The following NPAS3 variants were observed in gnomAD, a reference collection of about 807,000 sequenced individuals.
NPAS3 encodes neuronal PAS domain-containing protein 3.
A neutral mutation model predicts 73.1 loss-of-function variants in NPAS3; 14 were observed. The ratio of observed to expected loss-of-function variants is 0.19; its 90% confidence interval spans 0.13 to 0.30. NPAS3 has a LOEUF of 0.30. Among genes scored for constraint, NPAS3 ranks in the 10% least tolerant of loss-of-function variants. NPAS3 has a pLI of 1.00. For missense variants in NPAS3, 1,096 were observed against 1,250.0 expected (o/e 0.88, Z 1.86); for synonymous variants, 620 against 541.5 (o/e 1.14, Z -2.01).
chr14:32,938,486 T>TGAGAGAGAGAGAGAAAGTGAGA (rs1566779333), upstream of NPAS3, among the ~76,000 whole-genome samples: 2 of 55,904 alleles, frequency 3.6e-5, no homozygotes, highest in Non-Finnish European at 6.5e-5. Flanking sequence ...AGAGAGAAAT[T>TGAGAGAGAGAGAGAAAGTGAGA]GAGAGAGAGA....
rs34684535 is a variant in NPAS3 at position 33,692,836 on chromosome 14, T to TAAAAAAA, written c.733+16472_733+16478dup. On this transcript the variant is annotated intron_variant, in intron 6 of 11. Transcript: ENST00000356141. ...CAAGTGTTTAAGTAGCCCAATGTCT[T>TAAAAAAA]AAAAAAAAAAAAAAAAAAAAAAAAA... Among the ~76,000 whole-genome samples, 163 of 64,040 alleles carry TAAAAAAA rather than the reference T, an allele frequency of 2.5e-3. 9 individuals carry two copies. Among genetic ancestry groups the TAAAAAAA allele is most frequent in the African/African-American group, 8.3e-3 (146 of 17,678 alleles). 42.0% of individuals were successfully genotyped at this position (64,040 alleles called of 152,430 possible).
At chr14:33,037,407 G>A (rs2040204017) in intron 1 of NPAS3, among the ~76,000 whole-genome samples, 3 of 151,640 alleles carry the variant, frequency 2.0e-5, no homozygotes, top group African/African-American at 7.3e-5. Flanking sequence ...CAATTTGGGA[G>A]GCAAGGGCAG....
chr14:33,070,539 C>T (rs1392530416), intron 2 of NPAS3, among the ~76,000 whole-genome samples: 1 of 152,150 alleles, frequency 6.6e-6, no homozygotes, highest in Non-Finnish European at 1.5e-5. Context: ...CAGTGGCTGT[C>T]AATGAGTAAC....
chr14:33,119,656 C>G (rs1355213328), intron 2 of NPAS3, among the ~76,000 whole-genome samples: 2 of 152,120 alleles, frequency 1.3e-5, no homozygotes, highest in Admixed American at 1.3e-4. Flanking sequence ...TCTGTGTCAC[C>G]GTGCACCAGG....
chr14:33,653,889 A>G lies in NPAS3; in HGVS notation c.559-22322A>G, dbSNP rs934290228. Among the ~76,000 whole-genome samples, 9 of 152,300 alleles carry G rather than the reference A, an allele frequency of 5.9e-5. No individual in the cohort carries two copies. In the South Asian group the frequency reaches 1.9e-3, roughly 32 times the overall value. On this transcript the variant is annotated intron_variant, in intron 5 of 11. Transcript: ENST00000356141. ...TAAAACAGGCCCGTTATTGTGTAGA[A>G]ATAGATGTGCCTAAAGGTGTGGTCC...
intron 4 of NPAS3, among the ~76,000 whole-genome samples, chr14:33,490,175 C>T (rs41464244): frequency 0.022 from 3,300 of 152,154 alleles, 131 homozygotes; most frequent in African/African-American, 0.074. Context: ...ACCCTGTATT[C>T]GTTTCATGGG....
At chr14:33,544,788 T>TTTTTTATATATATATATATA (rs1555409893) in intron 4 of NPAS3, among the ~76,000 whole-genome samples, 1 of 63,256 alleles carries the variant, frequency 1.6e-5, no homozygotes, top group African/African-American at 8.6e-5. Context: ...TGTGTGTGTA[T>TTTTTTATATATATATATATA]TATATATATA....
At chr14:33,402,728 G>A (rs1048399792) in intron 4 of NPAS3, among the ~76,000 whole-genome samples, 1 of 152,116 alleles carries the variant, frequency 6.6e-6, no homozygotes, top group Non-Finnish European at 1.5e-5. Flanking sequence ...TTTTTATTCA[G>A]GTATGCTTTC....
rs992254760 is a variant in NPAS3 at position 33,268,614 on chromosome 14, T to G, written c.385+53188T>G. Reference sequence around the variant, plus strand: ...GCTTCATGTCACTCCATGAGGAACTTATCAGTCAGCTATGATATGCCTATC... The same window carrying G: ...GCTTCATGTCACTCCATGAGGAACTGATCAGTCAGCTATGATATGCCTATC... On this transcript the variant is annotated intron_variant, in intron 3 of 11. Transcript: ENST00000356141. 2.6e-4 allele frequency among the ~76,000 whole-genome samples: 40 copies of G among 152,214 alleles called. 1 individual carries two copies. The highest frequency in any genetic ancestry group is 4.7e-4 in the Non-Finnish European group (32 of 68,038).
chr14:33,098,200 C>T (rs1361841011), intron 2 of NPAS3, among the ~76,000 whole-genome samples: 1 of 152,118 alleles, frequency 6.6e-6, no homozygotes, highest in Non-Finnish European at 1.5e-5. Context: ...AATCCAGCTC[C>T]AGTTGCTGAG....
intron 4 of NPAS3, among the ~76,000 whole-genome samples, chr14:33,463,755 A>G (rs1043686824): frequency 6.6e-6 from 1 of 152,194 alleles, no homozygotes; most frequent in African/African-American, 2.4e-5. Context: ...CCAAATTAAG[A>G]CATCACAGTG....
rs138814852 is a variant in NPAS3 at position 33,217,754 on chromosome 14, G to A, written c.385+2328G>A. On this transcript the variant is annotated intron_variant, in intron 3 of 11. Transcript: ENST00000356141. ...ATCATGGCCTTTTAGGCATGCGAAT[G>A]TATAGATCACATGTCATTATTCCCT... Among the ~76,000 whole-genome samples the A allele has an allele frequency of 2.0e-4, 31 of 152,266 alleles. 1 individual carries two copies. Among genetic ancestry groups the A allele is most frequent in the African/African-American group, 7.2e-4 (30 of 41,560 alleles).
chr14:33,775,355 C>T (rs2062780026), intron 8 of NPAS3, among the ~76,000 whole-genome samples: 1 of 152,090 alleles, frequency 6.6e-6, no homozygotes, highest in Non-Finnish European at 1.5e-5. Flanking sequence ...AGAAATACTG[C>T]GTCAATTTGG....
intron 10 of NPAS3, among the ~76,000 whole-genome samples, chr14:33,795,761 C>G (rs986733342): frequency 2.0e-5 from 3 of 152,178 alleles, no homozygotes; most frequent in Non-Finnish European, 4.4e-5. Context: ...AAGAGCTAAG[C>G]AATCAGTCTC....
intron 4 of NPAS3, among the ~76,000 whole-genome samples, chr14:33,548,038 A>G (rs919816745): frequency 6.6e-6 from 1 of 152,246 alleles, no homozygotes; most frequent in African/African-American, 2.4e-5. Flanking sequence ...CTTAAAAGAA[A>G]TCAGGCGGAG....
rs2043642072 is a variant in NPAS3, at chr14:33,325,198, G to C, written c.386-41988G>C. Reference sequence around the variant, plus strand: ...AATTTTTAATTTTTGTGGGCACATAGTCCATGTGTATATTTATGGGGTTCA... The same window carrying C: ...AATTTTTAATTTTTGTGGGCACATACTCCATGTGTATATTTATGGGGTTCA... On this transcript the variant is annotated intron_variant, in intron 3 of 11. Transcript: ENST00000356141. Among the ~76,000 whole-genome samples, 4 of 152,032 alleles carry C rather than the reference G, an allele frequency of 2.6e-5. No individual in the cohort carries two copies. The South Asian group carries it at 8.3e-4, about 32-fold the overall frequency.
chr14:33,623,522 C>T (rs910568301), intron 5 of NPAS3, among the ~76,000 whole-genome samples: 1 of 152,342 alleles, frequency 6.6e-6, no homozygotes, highest in Non-Finnish European at 1.5e-5. Context: ...GTTTGCGTGT[C>T]TACTGCAGCC....
chr14:33,418,029 A>C (rs560610259), intron 4 of NPAS3, among the ~76,000 whole-genome samples: 6 of 145,520 alleles, frequency 4.1e-5, no homozygotes, highest in Non-Finnish European at 8.9e-5. Context: ...TTAAAAGATA[A>C]TGAACAAAAG....
chr14:33,314,432 A>G (rs1164167648), intron 3 of NPAS3, among the ~76,000 whole-genome samples: 1 of 152,050 alleles, frequency 6.6e-6, no homozygotes, highest in Non-Finnish European at 1.5e-5. Context: ...CCACTGTGAA[A>G]TGAGGATAGT....
Sources: gnomAD v4.1 joint callset for allele counts (sites outside exome capture counted in the v4.1 genomes callset) on GRCh38, gnomAD v4.1.1 for gene constraint, MANE v1.5 for transcripts, NCBI Gene and HGNC (gene_info 2026-07-23, HGNC 2026-07-21) for gene names.